Variants in CNGB3 observed in about 807,000 individuals in gnomAD.
The protein encoded by CNGB3 is cyclic nucleotide-gated channel beta-3.
A neutral mutation model predicts 92.8 loss-of-function variants in CNGB3; 86 were observed. The ratio of observed to expected loss-of-function variants is 0.93; its 90% confidence interval spans 0.78 to 1.11. CNGB3 has a LOEUF of 1.11. CNGB3 is among the 50% of genes least tolerant of loss of function. The probability of loss-of-function intolerance (pLI) is 0.00; values close to 1 mark genes in which losing one functional copy is unlikely to be tolerated. For synonymous variants in CNGB3, 333 were observed against 332.7 expected (o/e 1.00, Z -0.01); for missense variants, 1,026 against 956.8 (o/e 1.07, Z -0.95).
chr8:86,632,379 C>T (rs1410641679), intron 11 of CNGB3, among the ~76,000 whole-genome samples: 1 of 151,994 alleles, frequency 6.6e-6, no homozygotes, highest in East Asian at 1.9e-4. Flanking sequence ...ATTTTGTAGC[C>T]TCTGGTTTAA....
chr8:86,611,498 C>A, intron 14 of CNGB3, 90 bp downstream of exon 14: 6 of 1,000,938 alleles, frequency 6.0e-6, no homozygotes, highest in East Asian at 2.4e-5. Context: ...TCACCCTGAA[C>A]AAATTTTGTT....
chr8:86,658,240 G>A (rs1470816364), intron 6 of CNGB3: 5 of 554,252 alleles, frequency 9.0e-6, no homozygotes, highest in Admixed American at 4.8e-5. Flanking sequence ...GGCCATGCCT[G>A]CTCCTCCTCG....
At chr8:86,657,471 G>T in intron 6 of CNGB3, 1 of 517,188 alleles carries the variant, frequency 1.9e-6, no homozygotes, top group East Asian at 5.6e-5. Flanking sequence ...TGCTCCTGGG[G>T]GTTCTGCATC....
intron 13 of CNGB3, 102 bp from the exon 14 acceptor site, chr8:86,611,773 A>G (rs950991226): frequency 8.0e-6 from 7 of 878,384 alleles, no homozygotes; most frequent in Non-Finnish European, 9.2e-6. Context: ...TATTGTCTGC[A>G]TTAGCATAAA....
intron 3 of CNGB3, among the ~76,000 whole-genome samples, chr8:86,705,465 A>G (rs1480689419): frequency 2.0e-5 from 3 of 152,078 alleles, no homozygotes; most frequent in Non-Finnish European, 4.4e-5. Context: ...AATATGTTAC[A>G]TTACATGGCA....
At chr8:86,579,678 T>C (rs142313502) in intron 15 of CNGB3, among the ~76,000 whole-genome samples, 17 of 152,276 alleles carry the variant, frequency 1.1e-4, no homozygotes, top group African/African-American at 3.1e-4. Flanking sequence ...AAAAGACTAA[T>C]AGGAAATCAG....
intron 3 of CNGB3, among the ~76,000 whole-genome samples, chr8:86,689,044 G>C (rs1343608777): frequency 6.6e-6 from 1 of 151,404 alleles, no homozygotes; most frequent in Admixed American, 6.6e-5. Context: ...ATTAACCCAT[G>C]GGTCATTCAG....
chr8:86,727,123 T>C (rs545102000), intron 2 of CNGB3, among the ~76,000 whole-genome samples: 1 of 152,298 alleles, frequency 6.6e-6, no homozygotes, highest in East Asian at 1.9e-4. Context: ...GTTTGAAATA[T>C]GTTATTATAA....
intron 2 of CNGB3, among the ~76,000 whole-genome samples, chr8:86,727,774 T>G (rs1218380785): frequency 6.6e-6 from 1 of 152,178 alleles, no homozygotes; most frequent in Non-Finnish European, 1.5e-5. Context: ...GCTTAAGATA[T>G]TAAAATGGAG....
At chr8:86,656,962 C>A (rs892301723) in intron 6 of CNGB3, among the ~76,000 whole-genome samples, 1 of 152,152 alleles carries the variant, frequency 6.6e-6, no homozygotes, top group East Asian at 1.9e-4. Flanking sequence ...AAATTTTACA[C>A]AGATAGAATA....
rs540117436 is a variant in CNGB3 at position 86,637,257 on chromosome 8, G to A, written c.1179-4364C>T. ...GCATATCCTTAGCACCCTTGGACAG[G>A]CAGTTGACCATCTATGTATTCATTT... On this transcript the variant is annotated intron_variant, in intron 10 of 17. Coordinates refer to ENST00000320005, the MANE Select transcript of CNGB3 (RefSeq NM_019098.5). Among the ~76,000 whole-genome samples the A allele has an allele frequency of 5.3e-4, 80 of 152,194 alleles. 1 individual carries two copies. In the South Asian group the frequency reaches 0.014, roughly 27 times the overall value.
intron 3 of CNGB3, among the ~76,000 whole-genome samples, chr8:86,694,430 G>A (rs1343150515): frequency 4.6e-5 from 7 of 151,818 alleles, no homozygotes; most frequent in Non-Finnish European, 1.5e-5. Flanking sequence ...GGACGGGGTG[G>A]CTGCCGGGCG....
At chr8:86,688,711 T>C (rs1450714050) in intron 3 of CNGB3, among the ~76,000 whole-genome samples, 2 of 152,036 alleles carry the variant, frequency 1.3e-5, no homozygotes, top group Non-Finnish European at 2.9e-5. Context: ...ATTTTTTTCT[T>C]AGTCTTGCTA....
Position 86,634,419 on chromosome 8 carries a change from A to G in CNGB3, c.1179-1526T>C, listed in dbSNP as rs534736947. Among the ~76,000 whole-genome samples the G allele has an allele frequency of 2.6e-5, 4 of 152,250 alleles. No individual in the cohort carries two copies. In the South Asian group the frequency reaches 8.3e-4, roughly 32 times the overall value. On this transcript the variant is annotated intron_variant, in intron 10 of 17. Transcript: ENST00000320005. Reference sequence around the variant, plus strand: ...TGTATTAACTGCATTTTTGGCTTGCAATATTTTCCCGATAGGTTTATTGTG... The same window carrying G: ...TGTATTAACTGCATTTTTGGCTTGCGATATTTTCCCGATAGGTTTATTGTG...
chr8:86,668,998 G>GCA (rs1823804779), intron 4 of CNGB3, among the ~76,000 whole-genome samples: 1 of 152,120 alleles, frequency 6.6e-6, no homozygotes. Flanking sequence ...CAGCCTGGGT[G>GCA]ACAGAGCAAG....
intron 17 of CNGB3, among the ~76,000 whole-genome samples, chr8:86,578,323 G>A (rs572629123): frequency 6.6e-6 from 1 of 152,104 alleles, no homozygotes. Context: ...CACCCTGCAC[G>A]TGCTGTTGTC....
In CNGB3 at chr8:86,617,788, A is replaced by G. The variant is rs544481010; in HGVS notation, c.1579-6117T>C. Among the ~76,000 whole-genome samples, 15 of 152,320 alleles carry G rather than the reference A, an allele frequency of 9.8e-5. No individual in the cohort carries two copies. The East Asian group carries it at 2.9e-3, about 29-fold the overall frequency. On this transcript the variant is annotated intron_variant, in intron 13 of 17. Transcript: ENST00000320005. The stretch of plus-strand genomic sequence containing the variant: ...ACTCTGAGGATGAAACTAATCCAGC[A>G]GTCCCCAGTCTTTTTGGCACCAGGG...
Position 86,647,816 on chromosome 8 carries a change from T to G in CNGB3, c.975A>C (p.Ala325=). ...LFFGFNPMFR[A]NRMLKYTSFF... ...GTTATCTTACCTTTAACATCCTATT[T>G]GCTCTAAACATTGGATTAAACCCAA... The change falls in exon 8 of 18, where the codon GCA becomes GCC. Residue 325 remains alanine (A), a synonymous_variant. Transcript: ENST00000320005. 6.5e-7 allele frequency: 1 copy of G among 1,538,432 alleles called. No homozygotes were observed. The highest frequency in any genetic ancestry group is 9.0e-7 in the Non-Finnish European group (1 of 1,112,004).
chr8:86,661,165 A>T, intron 6 of CNGB3: 1 of 235,690 alleles, frequency 4.2e-6, no homozygotes, highest in Non-Finnish European at 8.5e-6. Flanking sequence ...AACCCAGTTG[A>T]CAACCACAAC....
Sources: allele counts gnomAD v4.1 joint callset (sites outside exome capture counted in the v4.1 genomes callset), GRCh38; gene constraint gnomAD v4.1.1; transcripts MANE v1.5; gene names NCBI Gene and HGNC (gene_info 2026-07-23, HGNC 2026-07-21).